Variants in R3HCC1L observed in about 807,000 individuals in gnomAD.
The protein encoded by R3HCC1L is R3H domain and coiled-coil containing 1 like.
In R3HCC1L, 51 loss-of-function variants were observed where a neutral mutation model predicts 59.9. The observed-to-expected ratio is 0.85, with a 90% CI of 0.68 to 1.07. The LOEUF (loss-of-function observed/expected upper bound fraction) is 1.07. Ranked by LOEUF, R3HCC1L falls within the 50% of genes least tolerant of loss-of-function variation. The pLI is 0.00. For synonymous variants in R3HCC1L, 322 were observed against 315.2 expected, an observed-to-expected ratio of 1.02 and a Z score of -0.23; for missense variants, 965 against 933.0, an observed-to-expected ratio of 1.03 and a Z score of -0.45.
chr10:98,209,885 C>T lies in R3HCC1L; in HGVS notation c.1771C>T (p.Arg591Cys), dbSNP rs773231935. Residue 591 changes from arginine to cysteine, a missense_variant, in exon 5 of 10, where the codon CGT becomes TGT. Physicochemically the swap from Arg to Cys is radical, Grantham distance 180. Transcript: ENST00000298999. ...FNDDGDCLDP[R>C]LLQELSGNTK... ...CGATGATGGTGACTGCCTGGATCCA[C>T]GTCTTCTACAAGAGGTATGTTTAAT... The T allele has an allele frequency of 8.7e-6, 14 of 1,609,936 alleles. No homozygotes were observed. Among genetic ancestry groups the T allele is most frequent in the Admixed American group, 5.0e-5 (3 of 59,808 alleles).
At chr10:98,191,374 T>C (rs1318542179) in intron 4 of R3HCC1L, among the ~76,000 whole-genome samples, 1 of 152,196 alleles carries the variant, frequency 6.6e-6, no homozygotes, top group African/African-American at 2.4e-5. Context: ...TATCTCATCA[T>C]GGTTTTGATT....
intron 9 of R3HCC1L, among the ~76,000 whole-genome samples, chr10:98,241,100 A>G (rs1174213720): frequency 2.0e-5 from 3 of 152,142 alleles, no homozygotes; most frequent in African/African-American, 7.2e-5. Flanking sequence ...AGTAAACTTA[A>G]AATCTAAAAC....
At chr10:98,155,682 C>T (rs1352213866) in intron 1 of R3HCC1L, among the ~76,000 whole-genome samples, 1 of 152,084 alleles carries the variant, frequency 6.6e-6, no homozygotes, top group Non-Finnish European at 1.5e-5. Flanking sequence ...CCACTCCCCA[C>T]TCTCTCTAGT....
rs1203904832 is a variant in R3HCC1L, at chr10:98,244,389, C to A, written c.*231C>A. 1.5e-5 allele frequency: 6 copies of A among 395,530 alleles called. No homozygotes were observed. The Admixed American group carries it at 2.0e-4, about 13-fold the overall frequency. The allele number at this position is 395,530 out of a possible 1,614,324, so 24.5% of individuals were successfully genotyped here. A position where few individuals can be genotyped will look rare whatever the true frequency, so the allele number is the denominator to read the frequency against. On this transcript the variant is annotated 3_prime_UTR_variant, in exon 10 of 10. Coordinates refer to ENST00000298999, the MANE Select transcript of R3HCC1L (RefSeq NM_001351015.2). Reference sequence around the variant, plus strand: ...GGTGGGCGTAGTAGGGAGCCATCAGCTAGGAAGAAACGTGGGAGATGTGAA... The same window carrying A: ...GGTGGGCGTAGTAGGGAGCCATCAGATAGGAAGAAACGTGGGAGATGTGAA...
intron 4 of R3HCC1L, among the ~76,000 whole-genome samples, chr10:98,187,754 A>G (rs1403501528): frequency 7.6e-6 from 1 of 131,004 alleles, no homozygotes; most frequent in Admixed American, 7.5e-5. Context: ...TTTTTTTTTA[A>G]GAGATAAGGT....
chr10:98,219,448 C>A (rs1467422922), intron 5 of R3HCC1L, among the ~76,000 whole-genome samples: 1 of 152,124 alleles, frequency 6.6e-6, no homozygotes, highest in Non-Finnish European at 1.5e-5. Flanking sequence ...TTCATGGTTC[C>A]TTATTGATAG....
Position 98,181,804 on chromosome 10 carries a change from G to A in R3HCC1L, c.-15+18407G>A, listed in dbSNP as rs144051001. Reference sequence around the variant, plus strand: ...ACCCTTTATTCCAGTTGATCGAATCGGCTACTGAAGCTTGTGCATGAGTCA... The same window carrying A: ...ACCCTTTATTCCAGTTGATCGAATCAGCTACTGAAGCTTGTGCATGAGTCA... On this transcript the variant is annotated intron_variant, in intron 4 of 9. Coordinates refer to ENST00000298999, the MANE Select transcript of R3HCC1L (RefSeq NM_001351015.2). Among the ~76,000 whole-genome samples the A allele has an allele frequency of 5.4e-3, 824 of 152,132 alleles. 6 individuals are homozygous for A. The highest frequency in any genetic ancestry group is 0.017 in the African/African-American group (723 of 41,478).
intron 4 of R3HCC1L, among the ~76,000 whole-genome samples, chr10:98,191,444 G>A (rs767782696): frequency 7.7e-4 from 117 of 152,096 alleles, no homozygotes; most frequent in Admixed American, 1.4e-3. Context: ...TGGCTGCATA[G>A]ATGTCTTCTT....
intron 1 of R3HCC1L, among the ~76,000 whole-genome samples, chr10:98,135,511 C>T (rs184679200): frequency 2.1e-4 from 32 of 152,314 alleles, no homozygotes; most frequent in African/African-American, 7.0e-4. Context: ...ATAACCTTGC[C>T]ATCCCCCAGT....
chr10:98,230,378 T>C (rs1209774168), intron 5 of R3HCC1L, among the ~76,000 whole-genome samples: 3 of 152,202 alleles, frequency 2.0e-5, no homozygotes, highest in Non-Finnish European at 4.4e-5. Flanking sequence ...TAGAGGTGTT[T>C]ATAGTATTCT....
In R3HCC1L at chr10:98,206,570, TTAAC is replaced by T. The variant is rs1052982021; in HGVS notation, c.-14-1527_-14-1524del. 2.0e-4 allele frequency among the ~76,000 whole-genome samples: 30 copies of T among 149,392 alleles called. No homozygotes were observed. In the South Asian group the frequency reaches 2.6e-3, roughly 13 times the overall value. ...TTTCAAAGGGCTATATAATCCTCCT[TTAAC>T]TAATCTCTAAATTCATTTCTACCCA... is the stretch of plus-strand genomic sequence containing the variant. On this transcript the variant is annotated intron_variant, in intron 4 of 9. Transcript: ENST00000298999.
At chr10:98,139,184 C>CA (rs986768178) in intron 1 of R3HCC1L, among the ~76,000 whole-genome samples, 6 of 152,186 alleles carry the variant, frequency 3.9e-5, no homozygotes, top group African/African-American at 1.4e-4. Context: ...ACAAATATCT[C>CA]ACCAGAATGA....
intron 4 of R3HCC1L, among the ~76,000 whole-genome samples, chr10:98,189,829 T>G (rs1425216031): frequency 6.6e-6 from 1 of 152,226 alleles, no homozygotes; most frequent in African/African-American, 2.4e-5. Flanking sequence ...TATAATTTTT[T>G]ATGTTATTAT....
chr10:98,198,606 C>T (rs1235143000), intron 4 of R3HCC1L, among the ~76,000 whole-genome samples: 1 of 150,658 alleles, frequency 6.6e-6, no homozygotes, highest in Non-Finnish European at 1.5e-5. Context: ...ACTTTTGCCT[C>T]TCAGATTGTT....
rs1425837526 is a variant in R3HCC1L, at chr10:98,137,385, G to A, written c.-268+2679G>A. 5.9e-5 allele frequency among the ~76,000 whole-genome samples: 9 copies of A among 152,190 alleles called. No individual in the cohort carries two copies. In the East Asian group the frequency reaches 1.7e-3, roughly 29 times the overall value. The stretch of plus-strand genomic sequence containing the variant: ...GGTGTCTACAAAGATGAAATGAGAT[G>A]TGACCATAAATGGCTTACTAGTGCT... On this transcript the variant is annotated intron_variant, in intron 1 of 9. Coordinates refer to ENST00000298999, the MANE Select transcript of R3HCC1L (RefSeq NM_001351015.2).
At chr10:98,204,901 A>G (rs1247570123) in intron 4 of R3HCC1L, among the ~76,000 whole-genome samples, 1 of 152,148 alleles carries the variant, frequency 6.6e-6, no homozygotes, top group East Asian at 1.9e-4. Flanking sequence ...ATCTTGGTAC[A>G]TATCTGCCGC....
chr10:98,237,034 C>A (rs1435140000), intron 9 of R3HCC1L, among the ~76,000 whole-genome samples: 1 of 152,202 alleles, frequency 6.6e-6, no homozygotes, highest in African/African-American at 2.4e-5. Flanking sequence ...GCCATTAATA[C>A]GTCCTGTCCT....
At chr10:98,168,124 G>A (rs1306507729) in intron 4 of R3HCC1L, among the ~76,000 whole-genome samples, 1 of 152,130 alleles carries the variant, frequency 6.6e-6, no homozygotes, top group Non-Finnish European at 1.5e-5. Context: ...AGTTTTAAGA[G>A]GGAGTTTTTT....
rs760797118 is a variant in R3HCC1L, at chr10:98,235,519, T to A, written c.2127T>A (p.Ala709=). 13 of 1,607,536 alleles carry A rather than the reference T, an allele frequency of 8.1e-6. No individual in the cohort carries two copies. The highest frequency in any genetic ancestry group is 1.1e-5 in the Non-Finnish European group (13 of 1,176,190). ...CCAAGGCCAAAGCTAGAGCTTATGC[T>A]GGTGAGTCTATAATCTCTGGGTTTT... ...RAAKAKARAY[A]EFLQPAKERP... Residue 709 remains alanine, a splice_region_variant and synonymous_variant, in exon 8 of 10, where the codon GCT becomes GCA. Transcript: ENST00000298999.
Sources: gnomAD v4.1 joint callset for allele counts (sites outside exome capture counted in the v4.1 genomes callset) on GRCh38, gnomAD v4.1.1 for gene constraint, MANE v1.5 for transcripts, NCBI Gene and HGNC (gene_info 2026-07-23, HGNC 2026-07-21) for gene names.